Variants in ATAD2B observed in about 807,000 individuals in gnomAD.
ATAD2B encodes the protein ATPase family AAA domain containing 2B.
In ATAD2B, 40 loss-of-function variants were observed where a neutral mutation model predicts 167.6. The observed-to-expected ratio is 0.24, with a 90% CI of 0.19 to 0.31. ATAD2B has a LOEUF of 0.31. Among genes scored for constraint, ATAD2B ranks in the 10% least tolerant of loss-of-function variants. ATAD2B has a pLI of 1.00. For synonymous variants in ATAD2B, 579 were observed against 596.5 expected (o/e 0.97, Z 0.43); for missense variants, 1,242 against 1,757.2 (o/e 0.71, Z 5.24).
At chr2:23,732,398 C>T in the ATAD2B span, among the ~76,000 whole-genome samples, 2 of 152,076 alleles carry the variant, frequency 1.3e-5, no homozygotes, top group Non-Finnish European at 2.9e-5. Flanking sequence ...AAAGTCATTA[C>T]CATAAATGTT....
At chr2:23,825,325 A>G (rs1688086223) in intron 15 of ATAD2B, among the ~76,000 whole-genome samples, 2 of 152,214 alleles carry the variant, frequency 1.3e-5, no homozygotes, top group Admixed American at 6.5e-5. Flanking sequence ...AGAAAAACCT[A>G]TTCAAAGTTA....
chr2:23,789,709 A>T (rs887568537), intron 19 of ATAD2B, among the ~76,000 whole-genome samples: 1 of 152,158 alleles, frequency 6.6e-6, no homozygotes, highest in Non-Finnish European at 1.5e-5. Context: ...GTCATTTCTA[A>T]CCACTTACTG....
intron 25 of ATAD2B, among the ~76,000 whole-genome samples, chr2:23,755,822 T>G (rs1280016772): frequency 6.6e-6 from 1 of 152,214 alleles, no homozygotes; most frequent in Non-Finnish European, 1.5e-5. Context: ...TATTTCAGGC[T>G]GCTTTTAATG....
chr2:23,804,397 A>G (rs888447345), intron 18 of ATAD2B, among the ~76,000 whole-genome samples: 1 of 152,124 alleles, frequency 6.6e-6, no homozygotes, highest in Non-Finnish European at 1.5e-5. Context: ...CAGACTGCCT[A>G]TCCAGGAGGG....
intron 11 of ATAD2B, among the ~76,000 whole-genome samples, chr2:23,863,803 C>A (rs191221885): frequency 3.1e-4 from 47 of 152,140 alleles, no homozygotes; most frequent in African/African-American, 1.1e-3. Flanking sequence ...AAATGTGTTT[C>A]CCAATGACCC....
chr2:23,892,090 C>A (rs1199235787), intron 2 of ATAD2B, among the ~76,000 whole-genome samples: 1 of 152,226 alleles, frequency 6.6e-6, no homozygotes, highest in Non-Finnish European at 1.5e-5. Context: ...ACTTCTGCCT[C>A]ACCTCACTAC....
At chr2:23,811,331 A>C (rs1478274333) in intron 17 of ATAD2B, 1 of 152,200 alleles carries the variant, frequency 6.6e-6, no homozygotes, top group Non-Finnish European at 1.5e-5. Context: ...CTTGATAATA[A>C]AACTAGCTAG....
chr2:23,868,084 T>C (rs1274385647), intron 9 of ATAD2B, 138 bp from the exon 10 acceptor site: 2 of 628,664 alleles, frequency 3.2e-6, no homozygotes, highest in East Asian at 2.8e-5. Context: ...AAGGATTTCA[T>C]ACTTTTACTC....
At chr2:23,861,747 TATAA>T (rs921190716) in intron 12 of ATAD2B, among the ~76,000 whole-genome samples, 4 of 152,222 alleles carry the variant, frequency 2.6e-5, no homozygotes, top group Non-Finnish European at 5.9e-5. Flanking sequence ...TTCCTTCATC[TATAA>T]ATGTTTATAT....
intron 25 of ATAD2B, 21 bp downstream of exon 25, chr2:23,757,397 T>G: frequency 6.9e-7 from 1 of 1,457,618 alleles, no homozygotes; most frequent in Non-Finnish European, 9.1e-7. Flanking sequence ...CTTCAGAAGA[T>G]TTTTCAAATA....
intron 1 of ATAD2B, among the ~76,000 whole-genome samples, chr2:23,905,483 C>T (rs1701360118): frequency 6.6e-6 from 1 of 152,114 alleles, no homozygotes; most frequent in African/African-American, 2.4e-5. Flanking sequence ...ATGATTACAC[C>T]ACTGCACTCC....
intron 12 of ATAD2B, among the ~76,000 whole-genome samples, chr2:23,862,331 C>CT (rs1370958509): frequency 5.9e-5 from 9 of 151,384 alleles, no homozygotes; most frequent in African/African-American, 2.2e-4. Context: ...CAAATATATG[C>CT]TGCATTGCCA....
chr2:23,728,764 G>A, the ATAD2B span, among the ~76,000 whole-genome samples: 4 of 151,962 alleles, frequency 2.6e-5, no homozygotes, highest in Non-Finnish European at 5.9e-5. Flanking sequence ...ATATGTATTT[G>A]GGGAATTAAA....
At chr2:23,862,784 T>C (rs1247136861) in intron 12 of ATAD2B, among the ~76,000 whole-genome samples, 1 of 152,224 alleles carries the variant, frequency 6.6e-6, no homozygotes, top group Non-Finnish European at 1.5e-5. Context: ...TAAGTTTTTA[T>C]GCCTGTTGTA....
At chr2:23,763,475 C>A (rs1210326330) in intron 23 of ATAD2B, among the ~76,000 whole-genome samples, 1 of 152,240 alleles carries the variant, frequency 6.6e-6, no homozygotes, top group African/African-American at 2.4e-5. Flanking sequence ...CTGTCCCAGG[C>A]AATGACTACT....
At chr2:23,907,016 G>A (rs927913203) in intron 1 of ATAD2B, among the ~76,000 whole-genome samples, 12 of 150,294 alleles carry the variant, frequency 8.0e-5, no homozygotes, top group Admixed American at 2.0e-4. Flanking sequence ...ATATCATACC[G>A]AATGGGCAAA....
intron 1 of ATAD2B, among the ~76,000 whole-genome samples, chr2:23,916,398 G>A (rs1448741904): frequency 6.6e-6 from 1 of 152,076 alleles, no homozygotes; most frequent in Non-Finnish European, 1.5e-5. Flanking sequence ...AAAACACAAT[G>A]GTTGACAATT....
At chr2:23,904,070 G>A (rs559184475) in intron 1 of ATAD2B, among the ~76,000 whole-genome samples, 148 of 152,196 alleles carry the variant, frequency 9.7e-4, no homozygotes, top group African/African-American at 3.4e-3. Context: ...AATCTAAGGA[G>A]AGGTCTATCA....
At chr2:23,726,006 C>G in the ATAD2B span, among the ~76,000 whole-genome samples, 2 of 152,080 alleles carry the variant, frequency 1.3e-5, no homozygotes. Context: ...CACACACACC[C>G]AAAAAGACTA....
Sources: gnomAD v4.1 joint callset for allele counts (sites outside exome capture counted in the v4.1 genomes callset) on GRCh38, gnomAD v4.1.1 for gene constraint, MANE v1.5 for transcripts, NCBI Gene and HGNC (gene_info 2026-07-23, HGNC 2026-07-21) for gene names.